FMN1: variants seen among roughly 807,000 people sequenced by gnomAD.
The protein encoded by FMN1 is formin 1, also known as formin-1.
In FMN1, 110 loss-of-function variants were observed where a neutral mutation model predicts 132.4. The observed-to-expected ratio is 0.83, with a 90% CI of 0.71 to 0.97. The LOEUF (loss-of-function observed/expected upper bound fraction) is 0.97. FMN1 is among the 50% of genes least tolerant of loss of function. The pLI is 0.00. For missense variants in FMN1, 1,792 were observed against 1,705.3 expected (o/e 1.05, Z -0.90); for synonymous variants, 722 against 651.7 (o/e 1.11, Z -1.64).
intron 5 of FMN1, among the ~76,000 whole-genome samples, chr15:33,075,016 A>G (rs2038146700): frequency 1.0e-5 from 1 of 96,044 alleles, no homozygotes; most frequent in East Asian, 4.2e-4. Flanking sequence ...GCAAGATTCC[A>G]TCTCAAAAAA....
At chr15:33,017,336 T>C (rs923501477) in intron 6 of FMN1, among the ~76,000 whole-genome samples, 1 of 152,160 alleles carries the variant, frequency 6.6e-6, no homozygotes, top group Non-Finnish European at 1.5e-5. Flanking sequence ...ATGTATTGGG[T>C]CAACTGTAAC....
In FMN1 at chr15:33,158,075, C is replaced by CTGCT. The variant is rs1456086186; in HGVS notation, c.-131-3034_-131-3031dup. Among the ~76,000 whole-genome samples the CTGCT allele has an allele frequency of 4.0e-5, 6 of 151,896 alleles. No homozygotes were observed. In the East Asian group the frequency reaches 1.2e-3, roughly 29 times the overall value. On this transcript the variant is annotated intron_variant, in intron 3 of 20. Coordinates refer to ENST00000616417, the MANE Select transcript of FMN1 (RefSeq NM_001277313.2). ...TCAACATGTCTGATCAGGTAAAGTG[C>CTGCT]TGCTCCCTAAGGTCATCCCTTAAAC...
chr15:32,939,213 T>G (rs1232882206), intron 9 of FMN1, among the ~76,000 whole-genome samples: 1 of 152,236 alleles, frequency 6.6e-6, no homozygotes, highest in Non-Finnish European at 1.5e-5. Flanking sequence ...TGTATAGCTA[T>G]CTCACTGCTG....
chr15:33,008,239 G>A (rs958164916), intron 6 of FMN1, among the ~76,000 whole-genome samples, 164 bp from the exon 7 acceptor site: 1 of 152,178 alleles, frequency 6.6e-6, no homozygotes. Context: ...AAGTAGTTCA[G>A]GGTAAAAGGT....
intron 15 of FMN1, among the ~76,000 whole-genome samples, chr15:32,890,431 T>A (rs2059999838): frequency 6.6e-6 from 1 of 152,168 alleles, no homozygotes; most frequent in African/African-American, 2.4e-5. Context: ...CATGCCAACA[T>A]CTGTTTTCTG....
chr15:32,787,626 C>T (rs542670331), intron 19 of FMN1, among the ~76,000 whole-genome samples: 10 of 152,244 alleles, frequency 6.6e-5, no homozygotes, highest in Admixed American at 6.5e-4. Flanking sequence ...TGAGGCAGGA[C>T]TGCTTGAGGC....
rs1201391380 is a variant in FMN1 at position 32,811,687 on chromosome 15, C to T, written c.3929-7355G>A. ...TTATTTGCTTTTTTTTTTTTTGAGA[C>T]GGAGTCTCGCTCTGTCACTCAGGCT... is the stretch of plus-strand genomic sequence containing the variant. On this transcript the variant is annotated intron_variant, in intron 17 of 20. Coordinates refer to ENST00000616417, the MANE Select transcript of FMN1 (RefSeq NM_001277313.2). Among the ~76,000 whole-genome samples, 9 of 148,670 alleles carry T rather than the reference C, an allele frequency of 6.1e-5. No individual in the cohort carries two copies. The East Asian group carries it at 6.1e-4, about 10-fold the overall frequency.
At chr15:32,999,399 A>G (rs2033963480) in intron 7 of FMN1, among the ~76,000 whole-genome samples, 1 of 152,234 alleles carries the variant, frequency 6.6e-6, no homozygotes, top group Non-Finnish European at 1.5e-5. Flanking sequence ...GAAATGGATG[A>G]GTGGAATGTG....
chr15:33,003,974 G>C (rs2034263258), intron 7 of FMN1, among the ~76,000 whole-genome samples: 1 of 151,912 alleles, frequency 6.6e-6, no homozygotes, highest in Admixed American at 6.6e-5. Flanking sequence ...ATGGTGCTGG[G>C]AAAACTGGCT....
At chr15:33,048,188 A>C (rs1596549192) in intron 6 of FMN1, among the ~76,000 whole-genome samples, 1 of 152,186 alleles carries the variant, frequency 6.6e-6, no homozygotes, top group Admixed American at 6.6e-5. Context: ...TAAATGCTTT[A>C]AGGTCATAAA....
rs11072170 is a variant in FMN1 at position 33,067,169 on chromosome 15, C to T, written c.2044-2095G>A. ...TGTTACTGCAGGTAGGTCTTGGGAC[C>T]CTTCTTCTCCCACCTGGTCCTGGCT... On this transcript the variant is annotated intron_variant, in intron 5 of 20. Transcript: ENST00000616417. The T allele has an allele frequency of 0.34, 546,746 of 1,613,514 alleles. 95,446 individuals are homozygous for T. Among genetic ancestry groups the T allele is most frequent in the Admixed American group, 0.41 (24,371 of 59,986 alleles).
At position 33,164,147 on chromosome 15, in the gene FMN1, G is replaced by C. The variant is rs533437553; in HGVS notation, c.-131-9102C>G. 2.6e-5 allele frequency among the ~76,000 whole-genome samples: 4 copies of C among 152,256 alleles called. No individual in the cohort carries two copies. In the South Asian group the frequency reaches 8.3e-4, roughly 32 times the overall value. On this transcript the variant is annotated intron_variant, in intron 3 of 20. Coordinates refer to ENST00000616417, the MANE Select transcript of FMN1 (RefSeq NM_001277313.2). ...GACTAAGGAAAAAAGATTATTATGAGATAGCACTGAAATTGAGAGAGTTTA... is the reference window on the plus strand; with the variant it reads ...GACTAAGGAAAAAAGATTATTATGACATAGCACTGAAATTGAGAGAGTTTA...
chr15:32,767,363 A>G lies in FMN1; in HGVS notation c.*6947T>C, dbSNP rs1174813135. The G allele has an allele frequency of 1.3e-5, 2 of 152,210 alleles. No individual in the cohort carries two copies. The highest frequency in any genetic ancestry group is 2.1e-4 in the South Asian group (1 of 4,834). 9.4% of individuals were successfully genotyped at this position (152,210 alleles called of 1,614,324 possible). On this transcript the variant is annotated 3_prime_UTR_variant, in exon 21 of 21. Coordinates refer to ENST00000616417, the MANE Select transcript of FMN1 (RefSeq NM_001277313.2). Reference sequence around the variant, plus strand: ...AAAACTAAACCCTGAAGTACTTGAAATAATTTACATTTCTGCTAGGTCTGA... The same window carrying G: ...AAAACTAAACCCTGAAGTACTTGAAGTAATTTACATTTCTGCTAGGTCTGA...
At chr15:32,974,833 A>G (rs984416579) in intron 7 of FMN1, among the ~76,000 whole-genome samples, 1 of 152,232 alleles carries the variant, frequency 6.6e-6, no homozygotes, top group African/African-American at 2.4e-5. Flanking sequence ...GTAATGTGTT[A>G]TTTGGTAAAG....
chr15:33,148,317 C>T lies in FMN1; in HGVS notation c.1867+4731G>A, dbSNP rs548098533. On this transcript the variant is annotated intron_variant, in intron 4 of 20. Coordinates refer to ENST00000616417, the MANE Select transcript of FMN1 (RefSeq NM_001277313.2). ...AATCTACTCATAGACGTCATTCTAC[C>T]GAAGTAACTCCCTCAAAGAGGGTTA... Among the ~76,000 whole-genome samples the T allele has an allele frequency of 2.0e-5, 3 of 152,250 alleles. No homozygotes were observed. The East Asian group carries it at 5.8e-4, about 29-fold the overall frequency.
At chr15:33,067,602 C>T in intron 5 of FMN1, 1 of 1,613,990 alleles carries the variant, frequency 6.2e-7, no homozygotes. Context: ...GCAATTTTCT[C>T]ATCATTTCCG....
rs532528722 is a variant in FMN1 at position 33,185,376 on chromosome 15, T to C, written c.-196-5114A>G. On this transcript the variant is annotated intron_variant, in intron 2 of 20. Transcript: ENST00000616417. Reference sequence around the variant, plus strand: ...ATTGTTTCCTGTAGAAATTCAGTATTCTCTGGGTTTTGTATTATTATATTA... The same window carrying C: ...ATTGTTTCCTGTAGAAATTCAGTATCCTCTGGGTTTTGTATTATTATATTA... 5.3e-5 allele frequency among the ~76,000 whole-genome samples: 8 copies of C among 152,148 alleles called. No individual in the cohort carries two copies. In the South Asian group the frequency reaches 1.7e-3, roughly 32 times the overall value.
intron 10 of FMN1, among the ~76,000 whole-genome samples, chr15:32,924,694 TG>T (rs935654104): frequency 6.6e-6 from 1 of 151,984 alleles, no homozygotes; most frequent in African/African-American, 2.4e-5. Context: ...CCAAGGCGGG[TG>T]GATGATCTGA....
chr15:33,012,981 T>G lies in FMN1; in HGVS notation c.2162-4906A>C, dbSNP rs544283480. On this transcript the variant is annotated intron_variant, in intron 6 of 20. Coordinates refer to ENST00000616417, the MANE Select transcript of FMN1 (RefSeq NM_001277313.2). ...TTGGAGGCAAAAGCTCTGGTTCCTA[T>G]GATGGTGGAAGCCAGTACTTTGCCA... is the stretch of plus-strand genomic sequence containing the variant. 19 of 453,604 alleles carry G rather than the reference T, an allele frequency of 4.2e-5. 1 individual carries two copies. Among genetic ancestry groups the G allele is most frequent in the South Asian group, 3.2e-4 (19 of 58,794 alleles). The allele number at this position is 453,604 out of a possible 1,614,324, so 28.1% of individuals were successfully genotyped here. A position where few individuals can be genotyped will look rare whatever the true frequency, so the allele number is the denominator to read the frequency against.
Sources: allele counts gnomAD v4.1 joint callset (sites outside exome capture counted in the v4.1 genomes callset), GRCh38; gene constraint gnomAD v4.1.1; transcripts MANE v1.5; gene names NCBI Gene and HGNC (gene_info 2026-07-23, HGNC 2026-07-21).